The following GRIA2 variants were observed in gnomAD, a reference collection of about 807,000 sequenced individuals.
GRIA2 encodes the protein glutamate ionotropic receptor AMPA type subunit 2.
GRIA2 carries 14 observed loss-of-function variants against 97.3 expected under a neutral mutation model. The ratio of observed to expected loss-of-function variants is 0.14; its 90% CI spans 0.10 to 0.23. GRIA2 has a LOEUF of 0.23. Ranked by LOEUF, GRIA2 falls within the 10% of genes least tolerant of loss-of-function variation. The pLI is 1.00. For synonymous variants in GRIA2, 412 were observed against 387.8 expected, an observed-to-expected ratio of 1.06 and a Z score of -0.73; for missense variants, 558 against 1,069.8, an observed-to-expected ratio of 0.52 and a Z score of 6.67.
At chr4:157,263,858 G>T (rs1217789954) in intron 2 of GRIA2, among the ~76,000 whole-genome samples, 1 of 151,918 alleles carries the variant, frequency 6.6e-6, no homozygotes, top group Non-Finnish European at 1.5e-5. Context: ...TTCTGGTGGC[G>T]ATTTACACTC....
chr4:157,360,090 A>G lies in GRIA2; in HGVS notation c.2238A>G (p.Gly746=). The stretch of plus-strand genomic sequence containing the variant: ...CTTGCGACACCATGAAAGTTGGTGG[A>G]AACCTGGATTCCAAAGGCTATGGCA... ...RKPCDTMKVG[G]NLDSKGYGIA... is the part of the protein sequence containing the mutation. Residue 746 remains glycine (G), a synonymous_variant, in exon 13 of 16, where the codon GGA becomes GGG. Transcript: ENST00000264426. 6.2e-7 allele frequency: 1 copy of G among 1,613,942 alleles called. No homozygotes were observed. Among genetic ancestry groups the G allele is most frequent in the Non-Finnish European group, 8.5e-7 (1 of 1,179,894 alleles).
At position 157,341,336 on chromosome 4, in the gene GRIA2, T is replaced by C. The variant is rs776438960; in HGVS notation, c.1917T>C (p.Ala639=). Residue 639 remains alanine, a synonymous_variant, in exon 12 of 16, where the codon GCT becomes GCC. Coordinates refer to ENST00000264426, the MANE Select transcript of GRIA2 (RefSeq NM_001083619.3). ...FTLIIISSYT[A]NLAAFLTVER... is the part of the protein sequence containing the mutation. ...TGATCATAATCTCCTCCTACACGGCTAACTTAGCTGCCTTCCTGACTGTAG... is the reference window on the plus strand; with the variant it reads ...TGATCATAATCTCCTCCTACACGGCCAACTTAGCTGCCTTCCTGACTGTAG... 1.9e-6 allele frequency: 3 copies of C among 1,612,686 alleles called. No homozygotes were observed. The East Asian group carries it at 6.7e-5, about 36-fold the overall frequency.
intron 12 of GRIA2, among the ~76,000 whole-genome samples, chr4:157,346,045 G>T (rs1735750376): frequency 6.6e-6 from 1 of 152,018 alleles, no homozygotes; most frequent in African/African-American, 2.4e-5. Flanking sequence ...GAAATAATTA[G>T]TTTGAAATTT....
chr4:157,268,448 A>C (rs1170824072), intron 2 of GRIA2, among the ~76,000 whole-genome samples: 1 of 152,042 alleles, frequency 6.6e-6, no homozygotes, highest in Non-Finnish European at 1.5e-5. Context: ...TCTTATAGTG[A>C]AAAATAATAG....
chr4:157,331,911 G>T (rs1301187433), intron 6 of GRIA2, among the ~76,000 whole-genome samples: 1 of 152,034 alleles, frequency 6.6e-6, no homozygotes, highest in African/African-American at 2.4e-5. Context: ...AATTTAGCAT[G>T]TCACAAAGTC....
intron 3 of GRIA2, among the ~76,000 whole-genome samples, chr4:157,306,183 C>G (rs1250301635): frequency 6.6e-6 from 1 of 152,082 alleles, no homozygotes; most frequent in Admixed American, 6.6e-5. Flanking sequence ...TCGCCTTCAT[C>G]CTTACCCTCA....
chr4:157,339,306 A>G (rs934135609), intron 11 of GRIA2, among the ~76,000 whole-genome samples: 1 of 151,996 alleles, frequency 6.6e-6, no homozygotes, highest in Non-Finnish European at 1.5e-5. Flanking sequence ...ACATTTCTTT[A>G]TTCCTTTAGT....
chr4:157,221,558 C>A, intron 1 of GRIA2, 109 bp from the exon 2 acceptor site: 3 of 1,115,074 alleles, frequency 2.7e-6, no homozygotes, highest in Non-Finnish European at 2.6e-6. Flanking sequence ...TTTATTCGGC[C>A]TATTCGCGTG....
intron 3 of GRIA2, among the ~76,000 whole-genome samples, chr4:157,309,349 GTTTTT>G (rs747461041): frequency 6.1e-5 from 8 of 130,702 alleles, no homozygotes; most frequent in African/African-American, 2.3e-4. Context: ...AAATTTCTTG[GTTTTT>G]TTTTTTTTTT....
At chr4:157,256,158 CAT>C (rs1315816307) in intron 2 of GRIA2, among the ~76,000 whole-genome samples, 21 of 135,676 alleles carry the variant, frequency 1.5e-4, no homozygotes, top group Admixed American at 5.5e-4. Context: ...TTATATATTA[CAT>C]ATATATGTTA....
chr4:157,284,369 T>A (rs897082835), intron 2 of GRIA2, among the ~76,000 whole-genome samples: 3 of 151,880 alleles, frequency 2.0e-5, no homozygotes, highest in African/African-American at 7.2e-5. Flanking sequence ...CTGTATTTTC[T>A]GTTCTTCATC....
intron 6 of GRIA2, among the ~76,000 whole-genome samples, chr4:157,326,295 T>C (rs182272361): frequency 9.6e-4 from 146 of 152,302 alleles, no homozygotes; most frequent in South Asian, 2.1e-3. Flanking sequence ...CCATCAGGGT[T>C]TGTGCATCAC....
At chr4:157,286,209 G>T (rs1165442996) in intron 2 of GRIA2, among the ~76,000 whole-genome samples, 2 of 151,352 alleles carry the variant, frequency 1.3e-5, no homozygotes, top group Non-Finnish European at 1.5e-5. Flanking sequence ...TGTGCCCAAA[G>T]TCATACAGCT....
At chr4:157,229,640 T>C (rs1190584572) in intron 2 of GRIA2, among the ~76,000 whole-genome samples, 2 of 152,214 alleles carry the variant, frequency 1.3e-5, no homozygotes, top group African/African-American at 4.8e-5. Context: ...TTCATAATTT[T>C]ATATATTTAT....
At chr4:157,317,850 C>T (rs1376984360) in intron 5 of GRIA2, 139 bp downstream of exon 5, 2 of 462,678 alleles carry the variant, frequency 4.3e-6, no homozygotes, top group Non-Finnish European at 7.9e-6. Context: ...GTGGTGGGCA[C>T]CTGTAATCCC....
intron 5 of GRIA2, among the ~76,000 whole-genome samples, chr4:157,320,300 A>G (rs530639730): frequency 3.9e-5 from 6 of 152,260 alleles, no homozygotes; most frequent in African/African-American, 1.4e-4. Flanking sequence ...TTGTCATGTA[A>G]GCAAATTACA....
intron 2 of GRIA2, among the ~76,000 whole-genome samples, chr4:157,231,415 G>A (rs1730013753): frequency 6.6e-6 from 1 of 151,942 alleles, no homozygotes. Flanking sequence ...GGCCTTAAGC[G>A]ATCCTGTCAC....
intron 13 of GRIA2, 36 bp from the exon 14 acceptor site, chr4:157,360,974 T>C: frequency 6.9e-7 from 1 of 1,453,022 alleles, no homozygotes; most frequent in Non-Finnish European, 9.6e-7. Context: ...TAAAATTTGC[T>C]CACCCTGTCT....
chr4:157,355,844 T>C (rs1393939190), intron 12 of GRIA2, among the ~76,000 whole-genome samples: 4 of 61,228 alleles, frequency 6.5e-5, no homozygotes, highest in African/African-American at 1.8e-4. Context: ...TTTTTATATA[T>C]TTATTTATAT....
Sources: allele counts gnomAD v4.1 joint callset (sites outside exome capture counted in the v4.1 genomes callset), GRCh38; gene constraint gnomAD v4.1.1; transcripts MANE v1.5; gene names NCBI Gene and HGNC (gene_info 2026-07-23, HGNC 2026-07-21).